The following WARS2 variants were observed in gnomAD, a reference collection of about 807,000 sequenced individuals.
WARS2 encodes tryptophan--tRNA ligase, mitochondrial.
Under a neutral mutation model 36.5 loss-of-function variants are expected in WARS2, and 28 were observed. That is an observed-to-expected ratio of 0.77 (90% CI 0.57 to 1.05). WARS2 has a LOEUF of 1.05. WARS2 is among the 50% of genes least tolerant of loss of function. The pLI is 0.00. For synonymous variants in WARS2, 174 were observed against 178.4 expected, an observed-to-expected ratio of 0.98 and a Z score of 0.20; for missense variants, 435 against 456.8, an observed-to-expected ratio of 0.95 and a Z score of 0.44.
chr1:119,091,582 G>A (rs1653049552), intron 1 of WARS2, among the ~76,000 whole-genome samples: 1 of 152,218 alleles, frequency 6.6e-6, no homozygotes, highest in Non-Finnish European at 1.5e-5. Context: ...AGGGGTGTGT[G>A]ATTCTCTTAC....
intron 2 of WARS2, among the ~76,000 whole-genome samples, chr1:119,067,900 T>G (rs186247180): frequency 2.0e-5 from 3 of 152,072 alleles, no homozygotes; most frequent in Non-Finnish European, 2.9e-5. Context: ...ATGTCCAGGA[T>G]AGAAGTAACA....
At chr1:119,126,024 T>C (rs1167930092) in intron 1 of WARS2, among the ~76,000 whole-genome samples, 2 of 152,230 alleles carry the variant, frequency 1.3e-5, no homozygotes, top group Non-Finnish European at 2.9e-5. Context: ...CACTGTATCT[T>C]CAAGCTTATT....
chr1:119,034,067 A>C (rs762328078), intron 5 of WARS2, 28 bp downstream of exon 5: 20 of 1,582,672 alleles, frequency 1.3e-5, no homozygotes, highest in Middle Eastern at 3.3e-4. Flanking sequence ...ATATACCCTG[A>C]TGTAACAATT....
intron 2 of WARS2, among the ~76,000 whole-genome samples, chr1:119,065,491 C>G (rs566064202): frequency 6.6e-6 from 1 of 151,770 alleles, no homozygotes; most frequent in Non-Finnish European, 1.5e-5. Flanking sequence ...CAAAAATTAG[C>G]TGGCATGGTG....
At chr1:119,111,259 T>C (rs1398828522) in intron 1 of WARS2, among the ~76,000 whole-genome samples, 1 of 152,162 alleles carries the variant, frequency 6.6e-6, no homozygotes, top group East Asian at 1.9e-4. Context: ...AGGCTTTTAA[T>C]AGTGTAGTGG....
rs587757163 is a variant in WARS2 at position 119,104,648 on chromosome 1, C to G, written c.91-28041G>C. On this transcript the variant is annotated intron_variant, in intron 1 of 5. Transcript: ENST00000235521. Reference sequence around the variant, plus strand: ...AAAAAAAAAAAACATGGTGAAATAACAGAGTAATGGAGAATTCCCTACTTT... The same window carrying G: ...AAAAAAAAAAAACATGGTGAAATAAGAGAGTAATGGAGAATTCCCTACTTT... 2.1e-5 allele frequency among the ~76,000 whole-genome samples: 3 copies of G among 146,176 alleles called. No individual in the cohort carries two copies. The East Asian group carries it at 6.0e-4, about 29-fold the overall frequency.
chr1:119,122,973 T>C (rs183160364), intron 1 of WARS2, among the ~76,000 whole-genome samples: 4 of 152,090 alleles, frequency 2.6e-5, no homozygotes, highest in Admixed American at 2.6e-4. Context: ...AGGAAAAAAA[T>C]GTAGGAGTTC....
At chr1:119,085,467 T>A in intron 1 of WARS2, 1 of 1,521,884 alleles carries the variant, frequency 6.6e-7, no homozygotes, top group East Asian at 2.3e-5. Context: ...TTTTTTTCCT[T>A]TTTGTCTTTT....
chr1:119,122,335 A>G (rs142119597), intron 1 of WARS2, among the ~76,000 whole-genome samples: 2,476 of 152,304 alleles, frequency 0.016, 26 homozygotes, highest in Non-Finnish European at 0.025. Flanking sequence ...AATCAAAACC[A>G]CAATGTGATA....
At chr1:119,054,611 A>G (rs1174198074) in intron 2 of WARS2, among the ~76,000 whole-genome samples, 6 of 152,224 alleles carry the variant, frequency 3.9e-5, no homozygotes, top group Non-Finnish European at 7.3e-5. Context: ...TCATGCCCAA[A>G]ACAGCATCAT....
chr1:119,064,973 G>A (rs766097648), intron 2 of WARS2, among the ~76,000 whole-genome samples: 5 of 151,964 alleles, frequency 3.3e-5, no homozygotes, highest in Non-Finnish European at 5.9e-5. Context: ...GTAAAAATTC[G>A]CCATTTGCTA....
intron 1 of WARS2, among the ~76,000 whole-genome samples, chr1:119,099,312 A>G (rs1653688031): frequency 6.6e-6 from 1 of 152,222 alleles, no homozygotes; most frequent in Non-Finnish European, 1.5e-5. Flanking sequence ...GATTTATGGG[A>G]AAACTGCATG....
At chr1:119,131,496 C>T (rs1303106162) in intron 1 of WARS2, among the ~76,000 whole-genome samples, 1 of 139,828 alleles carries the variant, frequency 7.2e-6, no homozygotes, top group African/African-American at 2.8e-5. Flanking sequence ...TAGTCTCACT[C>T]GTGTCACCCA....
intron 2 of WARS2, among the ~76,000 whole-genome samples, chr1:119,069,388 G>A (rs1651127301): frequency 6.6e-6 from 1 of 152,028 alleles, no homozygotes; most frequent in African/African-American, 2.4e-5. Context: ...CATATTTAAT[G>A]ATCAATTAAA....
chr1:119,128,845 A>T (rs1052675358), intron 1 of WARS2, among the ~76,000 whole-genome samples: 4 of 152,048 alleles, frequency 2.6e-5, no homozygotes, highest in Admixed American at 2.0e-4. Flanking sequence ...CTGACCAAAA[A>T]CCCTGCTAGT....
intron 5 of WARS2, 102 bp downstream of exon 5, chr1:119,033,993 A>AAGAAAGCTGAGGTT: frequency 1.0e-6 from 1 of 970,850 alleles, no homozygotes; most frequent in East Asian, 2.5e-5. Flanking sequence ...GCCTGTCTAC[A>AAGAAAGCTGAGGTT]AGAAAGCTGA....
intron 1 of WARS2, among the ~76,000 whole-genome samples, chr1:119,107,336 T>C (rs745481982): frequency 3.3e-5 from 5 of 152,152 alleles, no homozygotes; most frequent in Non-Finnish European, 7.4e-5. Flanking sequence ...AATTATTTCA[T>C]TTATGGATGT....
At chr1:119,114,029 C>T (rs889030586) in intron 1 of WARS2, among the ~76,000 whole-genome samples, 1 of 152,126 alleles carries the variant, frequency 6.6e-6, no homozygotes, top group Non-Finnish European at 1.5e-5. Context: ...ATGCTCTTTT[C>T]TTTATATACC....
At position 119,032,722 on chromosome 1, in the gene WARS2, T is replaced by G. The variant is rs1049363461; in HGVS notation, c.*189A>C. 6.6e-6 allele frequency: 4 copies of G among 607,254 alleles called. No homozygotes were observed. In the African/African-American group the frequency reaches 7.4e-5, roughly 11 times the overall value. The allele number at this position is 607,254 out of a possible 1,614,324, so 37.6% of individuals were successfully genotyped here. A position where few individuals can be genotyped will look rare whatever the true frequency, so the allele number is the denominator to read the frequency against. ...TTTTGTTGTTGTTGTTCACAGCATTTTGTTGATGGGATTTGGAACACTGTC... is the reference window on the plus strand; with the variant it reads ...TTTTGTTGTTGTTGTTCACAGCATTGTGTTGATGGGATTTGGAACACTGTC... On this transcript the variant is annotated 3_prime_UTR_variant, in exon 6 of 6. Transcript: ENST00000235521.
Sources: allele counts gnomAD v4.1 joint callset (sites outside exome capture counted in the v4.1 genomes callset), GRCh38; gene constraint gnomAD v4.1.1; transcripts MANE v1.5; gene names NCBI Gene and HGNC (gene_info 2026-07-23, HGNC 2026-07-21).